The following CDH2 variants were observed in gnomAD, a reference collection of about 807,000 sequenced individuals.
CDH2 encodes the protein cadherin 2.
Under a neutral mutation model 92.0 loss-of-function variants are expected in CDH2, and 17 were observed. That is an observed-to-expected ratio of 0.18 (90% CI 0.13 to 0.28). CDH2 has a LOEUF of 0.28. Ranked by LOEUF, CDH2 falls within the 10% of genes least tolerant of loss-of-function variation. CDH2 has a pLI of 1.00. For missense variants in CDH2, 862 were observed against 1,133.1 expected (o/e 0.76, Z 3.44); for synonymous variants, 419 against 415.9 (o/e 1.01, Z -0.09).
intron 2 of CDH2, among the ~76,000 whole-genome samples, chr18:28,126,299 A>G (rs1464654857): frequency 1.3e-5 from 2 of 152,192 alleles, no homozygotes; most frequent in Non-Finnish European, 1.5e-5. Context: ...ACATCATAAA[A>G]CTTCCAAAAA....
intron 2 of CDH2, among the ~76,000 whole-genome samples, chr18:28,032,553 A>G (rs2013724405): frequency 6.6e-6 from 1 of 152,170 alleles, no homozygotes; most frequent in Admixed American, 6.6e-5. Context: ...AAGTAATCAA[A>G]TATTACTCTC....
chr18:28,151,415 C>T (rs969660929), intron 1 of CDH2, among the ~76,000 whole-genome samples: 2 of 152,184 alleles, frequency 1.3e-5, no homozygotes, highest in Admixed American at 6.5e-5. Flanking sequence ...ATTTGCTAAC[C>T]ATTATACAAC....
chr18:27,981,454 A>G (rs1014212112), intron 14 of CDH2, among the ~76,000 whole-genome samples: 1 of 152,216 alleles, frequency 6.6e-6, no homozygotes, highest in Non-Finnish European at 1.5e-5. Context: ...ACATGAGTCA[A>G]GTTTTCAACG....
intron 15 of CDH2, among the ~76,000 whole-genome samples, chr18:27,962,987 AACT>A (rs1319458946): frequency 6.6e-6 from 1 of 152,216 alleles, no homozygotes; most frequent in Non-Finnish European, 1.5e-5. Flanking sequence ...AATTAAAGTG[AACT>A]ACTGCTACAT....
chr18:28,034,087 A>G (rs1311117726), intron 2 of CDH2, among the ~76,000 whole-genome samples: 1 of 152,088 alleles, frequency 6.6e-6, no homozygotes, highest in African/African-American at 2.4e-5. Context: ...GTGAAAAAAA[A>G]TAAAAAGAGC....
intron 2 of CDH2, among the ~76,000 whole-genome samples, chr18:28,133,581 CAAAAAAAA>C (rs765999292): frequency 6.3e-4 from 30 of 47,252 alleles, no homozygotes; most frequent in African/African-American, 2.4e-3. Context: ...GACTCTGTCT[CAAAAAAAA>C]AAAAAAAAAA....
intron 5 of CDH2, among the ~76,000 whole-genome samples, chr18:28,007,667 T>A (rs1182542690): frequency 2.0e-5 from 3 of 152,216 alleles, no homozygotes; most frequent in African/African-American, 7.2e-5. Flanking sequence ...ATCTGAATAC[T>A]GAACCTTAAT....
intron 2 of CDH2, among the ~76,000 whole-genome samples, chr18:28,145,434 C>A (rs1032237906): frequency 6.6e-6 from 1 of 152,004 alleles, no homozygotes; most frequent in Non-Finnish European, 1.5e-5. Flanking sequence ...GTAATATATC[C>A]CTTTCAGCTG....
chr18:27,992,791 A>G lies in CDH2; in HGVS notation c.1208T>C (p.Leu403Pro). The change falls in exon 9 of 16, where the codon CTA (leucine) becomes CCA (proline). Residue 403 changes from leucine to proline, a missense_variant. By Grantham distance (98) the Leu-to-Pro change is moderately conservative. Around this residue, in one of 5 missense-constraint regions of CDH2, gnomAD observed 564 missense variants for 722.2 expected, o/e 0.78. Coordinates refer to ENST00000269141, the MANE Select transcript of CDH2 (RefSeq NM_001792.5). The stretch of plus-strand genomic sequence containing the variant: ...GGGTTGATCCTTATCGGTCACAGTT[A>G]GATTAGCTACTATGATGTCTACCCT... ...ENRVDIIVANLTVTDKDQPHT... is the reference protein window; with the variant it reads ...ENRVDIIVANPTVTDKDQPHT... 6.2e-7 allele frequency: 1 copy of G among 1,613,950 alleles called. No homozygotes were observed. Among genetic ancestry groups the G allele is most frequent in the Non-Finnish European group, 8.5e-7 (1 of 1,179,842 alleles).
At chr18:27,958,607 A>T (rs28733135) in intron 15 of CDH2, among the ~76,000 whole-genome samples, 14 of 150,878 alleles carry the variant, frequency 9.3e-5, no homozygotes, top group South Asian at 2.1e-4. Flanking sequence ...GTGTATATTT[A>T]TATATGTATA....
At chr18:28,054,749 C>T (rs2014259554) in intron 2 of CDH2, among the ~76,000 whole-genome samples, 1 of 152,142 alleles carries the variant, frequency 6.6e-6, no homozygotes, top group Non-Finnish European at 1.5e-5. Flanking sequence ...TTGTTTTTTC[C>T]TGTTTGATCC....
At chr18:28,012,262 T>A (rs543747289) in intron 3 of CDH2, among the ~76,000 whole-genome samples, 43 of 152,338 alleles carry the variant, frequency 2.8e-4, no homozygotes, top group African/African-American at 9.9e-4. Flanking sequence ...ATAAACCTTT[T>A]TAGATAGCAG....
In CDH2 at chr18:28,136,405, C is replaced by A. The variant is rs114229368; in HGVS notation, c.172+11268G>T. Among the ~76,000 whole-genome samples the A allele has an allele frequency of 5.2e-3, 773 of 149,030 alleles. 7 individuals are homozygous for A. The highest frequency in any genetic ancestry group is 0.018 in the African/African-American group (736 of 40,544). ...TGTAATCTTTTTTTTTTTTTTTTAC[C>A]ATCAAGTAAAGTGAAGAATCTTCGT... On this transcript the variant is annotated intron_variant, in intron 2 of 15. Coordinates refer to ENST00000269141, the MANE Select transcript of CDH2 (RefSeq NM_001792.5).
intron 2 of CDH2, among the ~76,000 whole-genome samples, chr18:28,047,661 G>A (rs1163082958): frequency 6.6e-6 from 1 of 152,034 alleles, no homozygotes; most frequent in Non-Finnish European, 1.5e-5. Flanking sequence ...GAGGTCAGGA[G>A]ATCGAGACCA....
At chr18:28,147,813 T>C in intron 1 of CDH2, 29 bp from the exon 2 acceptor site, 2 of 1,148,184 alleles carry the variant, frequency 1.7e-6, no homozygotes, top group African/African-American at 1.6e-5. Context: ...AAAAAAAATG[T>C]GTGCAATGAT....
intron 2 of CDH2, among the ~76,000 whole-genome samples, chr18:28,045,104 T>C (rs1375665626): frequency 6.6e-6 from 1 of 152,172 alleles, no homozygotes; most frequent in Non-Finnish European, 1.5e-5. Context: ...CCGCTCACCA[T>C]CTACCAGTAC....
chr18:27,974,232 G>A (rs2011750828), intron 14 of CDH2, among the ~76,000 whole-genome samples: 1 of 152,122 alleles, frequency 6.6e-6, no homozygotes, highest in African/African-American at 2.4e-5. Context: ...ATCAGGGCCT[G>A]CAAAATAAGT....
chr18:28,170,683 A>T (rs1388073726), intron 1 of CDH2, among the ~76,000 whole-genome samples: 1 of 152,142 alleles, frequency 6.6e-6, no homozygotes, highest in Admixed American at 6.5e-5. Flanking sequence ...TTCCCAAAAC[A>T]TGAGGTGGCT....
downstream of CDH2, among the ~76,000 whole-genome samples, chr18:27,950,771 T>C (rs1402007363): frequency 6.6e-6 from 1 of 152,174 alleles, no homozygotes; most frequent in African/African-American, 2.4e-5. Flanking sequence ...TCACTTGATG[T>C]TTTTCTTCTA....
Sources: allele counts gnomAD v4.1 joint callset (sites outside exome capture counted in the v4.1 genomes callset), GRCh38; gene constraint gnomAD v4.1.1; regional missense constraint gnomAD v4.1.1; transcripts MANE v1.5; gene names NCBI Gene and HGNC (gene_info 2026-07-23, HGNC 2026-07-21).